BCAS4: variants seen among roughly 807,000 people sequenced by gnomAD.
BCAS4 encodes breast carcinoma amplified sequence 4, also known as breast carcinoma-amplified sequence 4.
BCAS4 carries 9 observed loss-of-function variants against 15.7 expected under a neutral mutation model. The observed-to-expected ratio is 0.57, with a 90% confidence interval of 0.34 to 1.00. The LOEUF (loss-of-function observed/expected upper bound fraction) is 1.00. Ranked by LOEUF, BCAS4 falls within the 50% of genes least tolerant of loss-of-function variation. The pLI, the probability that BCAS4 is intolerant of heterozygous loss-of-function variation, is 0.02. For synonymous variants in BCAS4, 101 were observed against 99.5 expected (o/e 1.02, Z -0.09); for missense variants, 225 against 239.1 (o/e 0.94, Z 0.39).
At chr20:50,813,486 GGAGA>G (rs2088097502) in intron 1 of BCAS4, among the ~76,000 whole-genome samples, 1 of 152,152 alleles carries the variant, frequency 6.6e-6, no homozygotes, top group African/African-American at 2.4e-5. Flanking sequence ...TGGTTGTATG[GGAGA>G]GAGAGTGAAG....
At chr20:50,825,504 C>A (rs995273192) in intron 2 of BCAS4, among the ~76,000 whole-genome samples, 3 of 152,226 alleles carry the variant, frequency 2.0e-5, no homozygotes, top group African/African-American at 7.2e-5. Flanking sequence ...AACCTCTGGG[C>A]AGATATAAAC....
intron 4 of BCAS4, among the ~76,000 whole-genome samples, chr20:50,868,298 C>T (rs1979457067): frequency 6.6e-6 from 1 of 152,226 alleles, no homozygotes; most frequent in African/African-American, 2.4e-5. Flanking sequence ...TGCAGCCCTA[C>T]TCAAGAGAGG....
At chr20:50,847,354 C>T (rs1257657194) in intron 4 of BCAS4, among the ~76,000 whole-genome samples, 6 of 152,072 alleles carry the variant, frequency 3.9e-5, no homozygotes, top group African/African-American at 1.4e-4. Flanking sequence ...CCCAAAGTGT[C>T]GGGATTATAG....
intron 3 of BCAS4, among the ~76,000 whole-genome samples, chr20:50,835,245 ATTTTTTT>A (rs1278646307): frequency 7.4e-6 from 1 of 134,572 alleles, no homozygotes; most frequent in Non-Finnish European, 1.6e-5. Flanking sequence ...AACTACTATA[ATTTTTTT>A]TTTTTTTTTT....
chr20:50,855,774 A>G (rs2123828405), intron 4 of BCAS4, among the ~76,000 whole-genome samples: 1 of 152,330 alleles, frequency 6.6e-6, no homozygotes, highest in Middle Eastern at 3.4e-3. Flanking sequence ...CTAGAGAGCA[A>G]CACTTGGTAC....
intron 4 of BCAS4, among the ~76,000 whole-genome samples, chr20:50,845,049 T>G (rs1182129627): frequency 1.3e-5 from 2 of 152,114 alleles, no homozygotes; most frequent in Non-Finnish European, 2.9e-5. Context: ...TGCAGAATGA[T>G]GATCATCACC....
chr20:50,832,118 A>G (rs2123793467), intron 3 of BCAS4, among the ~76,000 whole-genome samples: 1 of 152,246 alleles, frequency 6.6e-6, no homozygotes, highest in Middle Eastern at 3.4e-3. Flanking sequence ...GACCCTCAGC[A>G]GGGTATTACC....
chr20:50,814,023 C>G (rs1320393456), intron 1 of BCAS4, among the ~76,000 whole-genome samples: 1 of 152,166 alleles, frequency 6.6e-6, no homozygotes, highest in Non-Finnish European at 1.5e-5. Context: ...GCGGGACTCT[C>G]ATTTCTGAGG....
intron 4 of BCAS4, among the ~76,000 whole-genome samples, chr20:50,870,846 C>T (rs1217487302): frequency 2.6e-5 from 4 of 152,230 alleles, no homozygotes; most frequent in Non-Finnish European, 5.9e-5. Context: ...TGAAAGCAGC[C>T]AGGCCCTGCG....
chr20:50,855,915 G>C (rs190180030), intron 4 of BCAS4, among the ~76,000 whole-genome samples: 1 of 152,334 alleles, frequency 6.6e-6, no homozygotes, highest in East Asian at 1.9e-4. Flanking sequence ...ATAATAACAA[G>C]GTGGGCTGCA....
chr20:50,818,104 G>A lies in BCAS4; in HGVS notation c.91-107G>A, dbSNP rs1438849539. The A allele has an allele frequency of 2.7e-5, 27 of 1,005,574 alleles. No individual in the cohort carries two copies. In the Middle Eastern group the frequency reaches 6.2e-4, roughly 23 times the overall value. 62.3% of individuals were successfully genotyped at this position (1,005,574 alleles called of 1,614,324 possible). ...TGGAAGGGGGTCGAGCAGGAACCGG[G>A]CACATAATCCTAAGACTTAGTTTGC... On this transcript the variant is annotated intron_variant, in intron 1 of 4. Transcript: ENST00000371608.
chr20:50,812,277 C>A (rs912810175), intron 1 of BCAS4, among the ~76,000 whole-genome samples: 1 of 151,730 alleles, frequency 6.6e-6, no homozygotes, highest in Non-Finnish European at 1.5e-5. Context: ...GGACTACAGG[C>A]GCCCACTACC....
intron 1 of BCAS4, among the ~76,000 whole-genome samples, chr20:50,803,457 G>A (rs1385237758): frequency 6.6e-6 from 1 of 152,144 alleles, no homozygotes. Context: ...AGTTTCTCGG[G>A]TGGGGTGGGG....
intron 1 of BCAS4, among the ~76,000 whole-genome samples, chr20:50,812,264 C>A (rs1217266625): frequency 6.6e-6 from 1 of 151,476 alleles, no homozygotes; most frequent in African/African-American, 2.4e-5. Context: ...TCCCGAGTAG[C>A]TGGGACTACA....
chr20:50,859,669 G>C (rs1052805652), intron 4 of BCAS4, among the ~76,000 whole-genome samples: 1 of 152,158 alleles, frequency 6.6e-6, no homozygotes, highest in Non-Finnish European at 1.5e-5. Flanking sequence ...CCAGGTGTGC[G>C]GTGTGGAGCT....
intron 4 of BCAS4, among the ~76,000 whole-genome samples, chr20:50,865,713 GGGCCGGCAGA>G (rs1979323573): frequency 1.3e-5 from 2 of 152,332 alleles, no homozygotes; most frequent in African/African-American, 4.8e-5. Flanking sequence ...TGTGGTCACT[GGGCCGGCAGA>G]GGCTGGGGTC....
intron 4 of BCAS4, among the ~76,000 whole-genome samples, chr20:50,864,016 C>T (rs753685208): frequency 1.6e-4 from 24 of 152,362 alleles, no homozygotes; most frequent in Non-Finnish European, 3.4e-4. Context: ...GCCAGGAGCG[C>T]CAGCACCATG....
intron 4 of BCAS4, among the ~76,000 whole-genome samples, chr20:50,873,738 C>T (rs1979773468): frequency 6.6e-6 from 1 of 152,124 alleles, no homozygotes; most frequent in Admixed American, 6.5e-5. Flanking sequence ...GAGGGGCAGG[C>T]AGGAATAGAC....
At chr20:50,841,164 C>G (rs1682169805) in intron 3 of BCAS4, among the ~76,000 whole-genome samples, 1 of 152,176 alleles carries the variant, frequency 6.6e-6, no homozygotes, top group South Asian at 2.1e-4. Context: ...CACTTGAGGC[C>G]TGGAGCTGAG....
Sources: allele counts gnomAD v4.1 joint callset (sites outside exome capture counted in the v4.1 genomes callset), GRCh38; gene constraint gnomAD v4.1.1; transcripts MANE v1.5; gene names NCBI Gene and HGNC (gene_info 2026-07-23, HGNC 2026-07-21).